NWD1: variants seen among roughly 807,000 people sequenced by gnomAD.
NWD1 encodes the protein NACHT domain- and WD repeat-containing protein 1.
Under a neutral mutation model 135.1 loss-of-function variants are expected in NWD1, and 129 were observed. The observed-to-expected ratio is 0.96, with a 90% CI of 0.83 to 1.11. NWD1 has a LOEUF of 1.11. Among genes scored for constraint, NWD1 ranks in the 50% least tolerant of loss-of-function variants. The pLI is 0.00. For missense variants in NWD1, 1,740 were observed against 1,851.3 expected, an observed-to-expected ratio of 0.94 and a Z score of 1.10; for synonymous variants, 773 against 786.0, an observed-to-expected ratio of 0.98 and a Z score of 0.28.
intron 10 of NWD1, among the ~76,000 whole-genome samples, chr19:16,772,825 A>G (rs1969461862): frequency 6.6e-6 from 1 of 151,906 alleles, no homozygotes; most frequent in South Asian, 2.1e-4. Context: ...ACAGAGTGTG[A>G]TAAAAGAGGA....
intron 3 of NWD1, among the ~76,000 whole-genome samples, chr19:16,733,530 A>AC (rs1341920480): frequency 6.6e-6 from 1 of 151,966 alleles, no homozygotes; most frequent in East Asian, 1.9e-4. Context: ...CAAAAAAAAA[A>AC]AAAAAATCAA....
intron 10 of NWD1, among the ~76,000 whole-genome samples, chr19:16,768,196 A>C (rs1240016992): frequency 6.6e-6 from 1 of 151,898 alleles, no homozygotes; most frequent in Non-Finnish European, 1.5e-5. Flanking sequence ...GGGTTTTGCT[A>C]TGTTAGCCAG....
intron 12 of NWD1, among the ~76,000 whole-genome samples, chr19:16,780,445 C>T (rs555718289): frequency 5.9e-5 from 9 of 151,790 alleles, no homozygotes; most frequent in African/African-American, 1.9e-4. Context: ...CGTGAGCCAC[C>T]GTGCCCAGCC....
At chr19:16,794,790 CT>C (rs199936999) in intron 15 of NWD1, among the ~76,000 whole-genome samples, 2 of 150,952 alleles carry the variant, frequency 1.3e-5, no homozygotes, top group South Asian at 2.1e-4. Context: ...TATTATTTTT[CT>C]TTTTTTTTTA....
intron 1 of NWD1, among the ~76,000 whole-genome samples, chr19:16,723,582 G>T (rs1412048246): frequency 6.6e-6 from 1 of 152,142 alleles, no homozygotes; most frequent in African/African-American, 2.4e-5. Context: ...AAAGTGCCGA[G>T]ATTACAGGCA....
intron 4 of NWD1, among the ~76,000 whole-genome samples, chr19:16,742,798 G>A (rs1467184373): frequency 6.6e-6 from 1 of 151,640 alleles, no homozygotes; most frequent in African/African-American, 2.4e-5. Flanking sequence ...AGGCTCCCGA[G>A]CAGCTGGGAC....
intron 4 of NWD1, among the ~76,000 whole-genome samples, chr19:16,741,047 C>T (rs1424188517): frequency 1.3e-5 from 2 of 152,144 alleles, no homozygotes; most frequent in Admixed American, 1.3e-4. Flanking sequence ...ATAATCCCAG[C>T]TACTTGGGAG....
Position 16,759,373 on chromosome 19 carries a change from T to C in NWD1, c.1918T>C (p.Tyr640His). The C allele has an allele frequency of 6.2e-7, 1 of 1,609,614 alleles. No individual in the cohort carries two copies. Among genetic ancestry groups the C allele is most frequent in the Non-Finnish European group, 8.5e-7 (1 of 1,178,328 alleles). Residue 640 changes from tyrosine to histidine, a missense_variant, in exon 7 of 19, where the codon TAC becomes CAC. Tyr to His is a moderately conservative substitution (Grantham distance 83, BLOSUM62 2). Coordinates refer to ENST00000524140, the MANE Select transcript of NWD1 (RefSeq NM_001007525.5). Reference protein sequence around the residue: ...LWVRLRRDLGYYLARRPVDGF... With the variant: ...LWVRLRRDLGHYLARRPVDGF... ...GGTGCGGCTTCGTCGGGATCTGGGATACTACTTGGCCCGGCGGCCCGTGGA... is the reference window on the plus strand; with the variant it reads ...GGTGCGGCTTCGTCGGGATCTGGGACACTACTTGGCCCGGCGGCCCGTGGA...
chr19:16,750,352 G>A lies in NWD1; in HGVS notation c.1710G>A (p.Leu570=), dbSNP rs373497345. ...EEATHQLCTR[L]EQTHGQLLVA... Reference sequence around the variant, plus strand: ...CCACGCACCAACTCTGCACCCGCCTGGAGCAGACACACGGGCAGCTCCTCG... The same window carrying A: ...CCACGCACCAACTCTGCACCCGCCTAGAGCAGACACACGGGCAGCTCCTCG... The change falls in exon 6 of 19, where the codon CTG becomes CTA. Residue 570 remains leucine, a synonymous_variant. Transcript: ENST00000524140. 6.2e-7 allele frequency: 1 copy of A among 1,610,884 alleles called. No individual in the cohort carries two copies. Among genetic ancestry groups the A allele is most frequent in the Non-Finnish European group, 8.5e-7 (1 of 1,178,940 alleles).
intron 6 of NWD1, among the ~76,000 whole-genome samples, chr19:16,756,506 T>C (rs1215759051): frequency 6.6e-6 from 1 of 152,178 alleles, no homozygotes; most frequent in Non-Finnish European, 1.5e-5. Flanking sequence ...ATCTGCCTAT[T>C]TATATCTATT....
chr19:16,725,414 G>C (rs953898809), intron 2 of NWD1, among the ~76,000 whole-genome samples: 60 of 151,924 alleles, frequency 3.9e-4, no homozygotes, highest in African/African-American at 1.4e-3. Context: ...GGAGATCGAG[G>C]CTACAGTGAG....
intron 12 of NWD1, among the ~76,000 whole-genome samples, chr19:16,785,984 C>T (rs758178850): frequency 6.6e-6 from 1 of 151,906 alleles, no homozygotes; most frequent in Non-Finnish European, 1.5e-5. Flanking sequence ...CCTGCCTCAG[C>T]CTCCCAAGTA....
intron 8 of NWD1, among the ~76,000 whole-genome samples, chr19:16,763,061 T>C (rs1599486488): frequency 2.0e-5 from 3 of 152,108 alleles, no homozygotes; most frequent in Admixed American, 2.0e-4. Context: ...ATTACAGGCG[T>C]GTAATTACAG....
At chr19:16,776,126 G>A (rs1377704466) in intron 11 of NWD1, among the ~76,000 whole-genome samples, 1 of 152,180 alleles carries the variant, frequency 6.6e-6, no homozygotes, top group Non-Finnish European at 1.5e-5. Context: ...ACAGGCATAG[G>A]AAGTTACAGC....
chr19:16,801,871 A>G (rs1190806168), intron 17 of NWD1, among the ~76,000 whole-genome samples: 2 of 152,084 alleles, frequency 1.3e-5, no homozygotes, highest in Non-Finnish European at 2.9e-5. Flanking sequence ...TAACTCTGTT[A>G]GTTCTCGCGA....
chr19:16,806,887 C>T (rs904960576), intron 17 of NWD1, among the ~76,000 whole-genome samples: 25 of 151,788 alleles, frequency 1.6e-4, no homozygotes, highest in Non-Finnish European at 2.5e-4. Flanking sequence ...CGTGGTGGTG[C>T]GCACCTCTAG....
At chr19:16,767,153 G>A (rs913025645) in intron 10 of NWD1, among the ~76,000 whole-genome samples, 9 of 148,458 alleles carry the variant, frequency 6.1e-5, no homozygotes, top group African/African-American at 2.2e-4. Context: ...ATGGCAGAAG[G>A]GAAAGAGGTG....
At chr19:16,724,012 A>T (rs1224951245) in intron 1 of NWD1, among the ~76,000 whole-genome samples, 1 of 152,048 alleles carries the variant, frequency 6.6e-6, no homozygotes, top group Admixed American at 6.6e-5. Context: ...ACCATTTTTA[A>T]ATTCTCTGAG....
intron 13 of NWD1, among the ~76,000 whole-genome samples, chr19:16,790,887 G>T (rs1303641240): frequency 6.6e-6 from 1 of 152,012 alleles, no homozygotes; most frequent in East Asian, 1.9e-4. Flanking sequence ...AAAATCACAT[G>T]TGAGGCCTGG....
Sources: gnomAD v4.1 joint callset for allele counts (sites outside exome capture counted in the v4.1 genomes callset) on GRCh38, gnomAD v4.1.1 for gene constraint, MANE v1.5 for transcripts, NCBI Gene and HGNC (gene_info 2026-07-23, HGNC 2026-07-21) for gene names.